The following LRRC2 variants were observed in gnomAD, a reference collection of about 807,000 sequenced individuals.
The protein encoded by LRRC2 is leucine rich repeat containing 2.
In LRRC2, 27 loss-of-function variants were observed where a neutral mutation model predicts 40.2. That is an observed-to-expected ratio of 0.67 (90% confidence interval 0.49 to 0.93). The LOEUF is 0.93. Ranked by LOEUF, LRRC2 falls within the 40% of genes least tolerant of loss-of-function variation. The pLI, the probability that LRRC2 is intolerant of heterozygous loss-of-function variation, is 0.00. For missense variants in LRRC2, 402 were observed against 439.6 expected, an observed-to-expected ratio of 0.91 and a Z score of 0.76; for synonymous variants, 147 against 158.9, an observed-to-expected ratio of 0.92 and a Z score of 0.56.
Position 46,517,285 on chromosome 3 carries a change from T to TG in LRRC2, c.*1728_*1729insC, listed in dbSNP as rs1416169209. 1 of 58,020 alleles carries TG rather than the reference T, an allele frequency of 1.7e-5. No homozygotes were observed. The highest frequency in any genetic ancestry group is 3.5e-5 in the African/African-American group (1 of 28,576). The allele number at this position is 58,020 out of a possible 1,614,324, so 3.6% of individuals were successfully genotyped here. ...TAGTCACAAAAGCTGCTTGTTTTTG[T>TG]TTTTTTTTTTTTAGTTATAACAATA... On this transcript the variant is annotated 3_prime_UTR_variant, in exon 9 of 9. Transcript: ENST00000395905.
intron 3 of LRRC2, among the ~76,000 whole-genome samples, chr3:46,544,325 C>T (rs952203903): frequency 2.1e-4 from 32 of 152,180 alleles, no homozygotes; most frequent in Admixed American, 1.3e-3. Context: ...TCGAGACCAA[C>T]CTGGCCAACA....
intron 1 of LRRC2, among the ~76,000 whole-genome samples, chr3:46,555,338 C>A (rs1430481801): frequency 1.3e-5 from 2 of 151,964 alleles, no homozygotes; most frequent in East Asian, 3.9e-4. Context: ...TGTATGTATG[C>A]CATTTATATT....
chr3:46,559,172 A>G (rs1388350682), intron 1 of LRRC2: 2 of 152,234 alleles, frequency 1.3e-5, no homozygotes, highest in Non-Finnish European at 1.5e-5. Flanking sequence ...TCTAACCTGC[A>G]AAGATCTTAA....
In LRRC2 at chr3:46,521,585, G is replaced by A. The variant is rs747594235; in HGVS notation, c.1003C>T (p.Arg335Trp). ...TCTTTATCAAAATGTTGGCGATCCC[G>A]TTCACTTTCCATTATTTCATTGCCA... The part of the protein sequence containing the change: ...EDGNEIMESE[R>W]DRQHFDKEVM... The change falls in exon 8 of 9, where the codon CGG becomes TGG. Residue 335 changes from arginine (R) to tryptophan (W), a missense_variant. Transcript: ENST00000395905. 8.7e-6 allele frequency: 14 copies of A among 1,612,358 alleles called. No individual in the cohort carries two copies. Among genetic ancestry groups the A allele is most frequent in the East Asian group, 4.5e-5 (2 of 44,868 alleles).
At chr3:46,522,347 T>G (rs1427552102) in intron 7 of LRRC2, among the ~76,000 whole-genome samples, 1 of 150,476 alleles carries the variant, frequency 6.6e-6, no homozygotes, top group Non-Finnish European at 1.5e-5. Flanking sequence ...GGCACTCTAG[T>G]CTGGGCAACA....
chr3:46,550,614 A>G (rs1704624029), intron 2 of LRRC2, among the ~76,000 whole-genome samples: 1 of 152,090 alleles, frequency 6.6e-6, no homozygotes, highest in African/African-American at 2.4e-5. Context: ...GATGGTCTCG[A>G]TCTCCTGACC....
chr3:46,560,884 T>C (rs1225991775), intron 1 of LRRC2, among the ~76,000 whole-genome samples: 1 of 152,132 alleles, frequency 6.6e-6, no homozygotes, highest in Non-Finnish European at 1.5e-5. Context: ...CATGTTCCTC[T>C]CCAGTCCAAG....
chr3:46,535,534 G>A (rs938893966), intron 4 of LRRC2, among the ~76,000 whole-genome samples: 6 of 152,134 alleles, frequency 3.9e-5, no homozygotes, highest in Non-Finnish European at 7.3e-5. Flanking sequence ...TTTAGAGGTG[G>A]CAGATATTTT....
At chr3:46,523,996 C>T (rs1032580140) in intron 7 of LRRC2, among the ~76,000 whole-genome samples, 7 of 152,186 alleles carry the variant, frequency 4.6e-5, no homozygotes, top group African/African-American at 1.4e-4. Context: ...TTTCTTTTGC[C>T]TGCAGCTTGA....
chr3:46,562,886 C>T (rs2001441), intron 1 of LRRC2, among the ~76,000 whole-genome samples: 38,110 of 151,884 alleles, frequency 0.25, 5,836 homozygotes, highest in Non-Finnish European at 0.33. Flanking sequence ...CCACCATATC[C>T]GGCTAATTTT....
chr3:46,554,002 GGTT>G (rs34135160), intron 1 of LRRC2, among the ~76,000 whole-genome samples: 7,227 of 151,578 alleles, frequency 0.048, 243 homozygotes, highest in Non-Finnish European at 0.073. Flanking sequence ...TTGTTTCATT[GGTT>G]GTTGTTGTTG....
At chr3:46,551,337 T>G in intron 2 of LRRC2, 130 bp downstream of exon 2, 1 of 1,164,498 alleles carries the variant, frequency 8.6e-7, no homozygotes, top group Non-Finnish European at 1.2e-6. Flanking sequence ...GCTCTGAAGT[T>G]TAATGAGGAA....
In LRRC2 at chr3:46,517,723, T is replaced by C. The variant is rs1220099091; in HGVS notation, c.*1291A>G. The C allele has an allele frequency of 3.3e-5, 5 of 152,220 alleles. No homozygotes were observed. The highest frequency in any genetic ancestry group is 1.2e-4 in the African/African-American group (5 of 41,462). 9.4% of individuals were successfully genotyped at this position (152,220 alleles called of 1,614,324 possible). On this transcript the variant is annotated 3_prime_UTR_variant, in exon 9 of 9. Coordinates refer to ENST00000395905, the MANE Select transcript of LRRC2 (RefSeq NM_024512.5). ...TTAGCCCAAGACAGTGGTATAAAAATAAGAGATTGTGTCTAATTTCTCCAA... is the reference window on the plus strand; with the variant it reads ...TTAGCCCAAGACAGTGGTATAAAAACAAGAGATTGTGTCTAATTTCTCCAA...
At chr3:46,542,668 C>T (rs1704420152) in intron 3 of LRRC2, among the ~76,000 whole-genome samples, 1 of 152,126 alleles carries the variant, frequency 6.6e-6, no homozygotes, top group South Asian at 2.1e-4. Flanking sequence ...CAGAATTCAT[C>T]CATTTGAAAA....
chr3:46,538,701 A>G (rs1704317626), intron 4 of LRRC2, among the ~76,000 whole-genome samples: 1 of 152,248 alleles, frequency 6.6e-6, no homozygotes, highest in Non-Finnish European at 1.5e-5. Context: ...GTATAAGAGC[A>G]ATACATTACA....
chr3:46,562,285 G>C (rs1704960915), intron 1 of LRRC2, among the ~76,000 whole-genome samples: 1 of 152,112 alleles, frequency 6.6e-6, no homozygotes, highest in African/African-American at 2.4e-5. Flanking sequence ...CATGAGAGGG[G>C]GCTGTCTTAA....
chr3:46,531,308 G>A (rs565635221), intron 5 of LRRC2, among the ~76,000 whole-genome samples: 2 of 152,138 alleles, frequency 1.3e-5, no homozygotes, highest in South Asian at 4.2e-4. Context: ...TAGTGGGTGG[G>A]GGAGGAGTGA....
rs1040592844 is a variant in LRRC2, at chr3:46,544,992, G to A, written c.333+54C>T. 7.9e-6 allele frequency: 12 copies of A among 1,513,292 alleles called. 1 individual carries two copies. Among genetic ancestry groups the A allele is most frequent in the South Asian group, 2.3e-5 (2 of 88,582 alleles). 93.7% of individuals were successfully genotyped at this position (1,513,292 alleles called of 1,614,324 possible). On this transcript the variant is annotated intron_variant, in intron 3 of 8. Coordinates refer to ENST00000395905, the MANE Select transcript of LRRC2 (RefSeq NM_024512.5). Reference sequence around the variant, plus strand: ...CATTCATTCATCCTTGGGCTCAGGCGAGCAGCAGTCATCGACCACAGCACT... The same window carrying A: ...CATTCATTCATCCTTGGGCTCAGGCAAGCAGCAGTCATCGACCACAGCACT...
chr3:46,519,151 TG>T, intron 8 of LRRC2, 88 bp from the exon 9 acceptor site: 9 of 862,124 alleles, frequency 1.0e-5, no homozygotes, highest in Non-Finnish European at 1.6e-5. Context: ...AATGAATGTA[TG>T]TCAATACACC....
Sources: allele counts gnomAD v4.1 joint callset (sites outside exome capture counted in the v4.1 genomes callset), GRCh38; gene constraint gnomAD v4.1.1; transcripts MANE v1.5; gene names NCBI Gene and HGNC (gene_info 2026-07-23, HGNC 2026-07-21).